ZNF609: variants seen among roughly 807,000 people sequenced by gnomAD.
ZNF609 encodes the protein zinc finger protein 609.
In ZNF609, 11 loss-of-function variants were observed where a neutral mutation model predicts 109.5. The ratio of observed to expected loss-of-function variants is 0.10; its 90% CI spans 0.06 to 0.17. The LOEUF is 0.17. Among genes scored for constraint, ZNF609 ranks in the 10% least tolerant of loss-of-function variants. ZNF609 has a pLI of 1.00. For synonymous variants in ZNF609, 646 were observed against 662.0 expected (o/e 0.98, Z 0.37); for missense variants, 1,559 against 1,772.4 (o/e 0.88, Z 2.16).
At chr15:64,556,505 A>T (rs1029866517) in intron 2 of ZNF609, among the ~76,000 whole-genome samples, 1 of 152,146 alleles carries the variant, frequency 6.6e-6, no homozygotes, top group African/African-American at 2.4e-5. Flanking sequence ...AACCCTCATG[A>T]CAATCAGATA....
intron 4 of ZNF609, 38 bp downstream of exon 4, chr15:64,670,471 A>T: frequency 1.3e-6 from 2 of 1,543,646 alleles, no homozygotes; most frequent in Non-Finnish European, 1.8e-6. Context: ...ATTATTCTGA[A>T]CCACACTAAT....
chr15:64,646,524 C>T (rs1896335865), intron 3 of ZNF609, among the ~76,000 whole-genome samples: 1 of 148,930 alleles, frequency 6.7e-6, no homozygotes, highest in Admixed American at 6.8e-5. Context: ...ACCCTAGCTA[C>T]ACGGGAGGCT....
intron 2 of ZNF609, among the ~76,000 whole-genome samples, chr15:64,558,885 T>G (rs2140401310): frequency 6.6e-6 from 1 of 152,146 alleles, no homozygotes; most frequent in South Asian, 2.1e-4. Context: ...CTAAAATATT[T>G]CCTTTTTTTT....
intron 2 of ZNF609, among the ~76,000 whole-genome samples, chr15:64,551,957 GC>G (rs1726416662): frequency 7.4e-6 from 1 of 135,482 alleles, no homozygotes; most frequent in Non-Finnish European, 1.7e-5. Flanking sequence ...CTGCACTCCA[GC>G]CTGGGTGACA....
chr15:64,640,776 T>C (rs1896241734), intron 3 of ZNF609, among the ~76,000 whole-genome samples: 1 of 152,228 alleles, frequency 6.6e-6, no homozygotes, highest in Non-Finnish European at 1.5e-5. Flanking sequence ...TCTCCAGCCA[T>C]GGCTGCAGGA....
chr15:64,475,463 A>T (rs1452421839), intron 1 of ZNF609, among the ~76,000 whole-genome samples: 1 of 136,256 alleles, frequency 7.3e-6, no homozygotes, highest in Non-Finnish European at 1.5e-5. Context: ...ATCTTGGCTC[A>T]CTGCAACCTC....
chr15:64,492,602 G>A (rs1893429606), intron 1 of ZNF609, among the ~76,000 whole-genome samples: 1 of 152,024 alleles, frequency 6.6e-6, no homozygotes, highest in Admixed American at 6.6e-5. Flanking sequence ...GGCTGGTCTA[G>A]AACTCCTGGG....
intron 2 of ZNF609, chr15:64,502,579 G>A (rs1161366317): frequency 6.6e-6 from 1 of 152,086 alleles, no homozygotes. Context: ...TGTGGTTTGG[G>A]ACGTTTCTAT....
intron 3 of ZNF609, chr15:64,654,467 AT>A (rs1045358158): frequency 1.3e-5 from 2 of 151,840 alleles, no homozygotes; most frequent in African/African-American, 4.8e-5. Context: ...TTTTATATAT[AT>A]TTTTTCTTTT....
At chr15:64,562,637 G>T (rs1894697935) in intron 2 of ZNF609, among the ~76,000 whole-genome samples, 3 of 151,890 alleles carry the variant, frequency 2.0e-5, no homozygotes, top group African/African-American at 7.3e-5. Flanking sequence ...AAGTTTAGTA[G>T]TGCTAGACAA....
chr15:64,500,230 C>A, intron 2 of ZNF609, 64 bp downstream of exon 2: 1 of 1,574,846 alleles, frequency 6.3e-7, no homozygotes, highest in Non-Finnish European at 8.6e-7. Context: ...GACTAACTGC[C>A]AAATACTATG....
chr15:64,551,747 G>A (rs772048302), intron 2 of ZNF609, among the ~76,000 whole-genome samples: 1 of 150,002 alleles, frequency 6.7e-6, no homozygotes, highest in Non-Finnish European at 1.5e-5. Context: ...CAATGGGGCA[G>A]TGAGAACTTA....
chr15:64,673,796 C>T, intron 4 of ZNF609, 120 bp from the exon 5 acceptor site: 1 of 1,171,672 alleles, frequency 8.5e-7, no homozygotes, highest in East Asian at 2.5e-5. Flanking sequence ...TTTCTTTTAA[C>T]AAATCATATT....
At chr15:64,498,412 A>G (rs1460276449) in intron 1 of ZNF609, among the ~76,000 whole-genome samples, 1 of 152,156 alleles carries the variant, frequency 6.6e-6, no homozygotes, top group East Asian at 1.9e-4. Flanking sequence ...TCTGTTTCCT[A>G]TGGTGTGAGG....
chr15:64,517,005 A>T (rs928018202), intron 2 of ZNF609, among the ~76,000 whole-genome samples: 1 of 152,112 alleles, frequency 6.6e-6, no homozygotes, highest in African/African-American at 2.4e-5. Context: ...TTACTTGATA[A>T]TGTTTGTCTG....
intron 2 of ZNF609, among the ~76,000 whole-genome samples, chr15:64,514,017 G>C (rs1185233766): frequency 6.6e-6 from 1 of 151,646 alleles, no homozygotes; most frequent in Non-Finnish European, 1.5e-5. Flanking sequence ...ACTTGAGCCC[G>C]GGAGGTCGAG....
chr15:64,489,488 G>GT (rs1347977993), intron 1 of ZNF609, among the ~76,000 whole-genome samples: 3 of 139,990 alleles, frequency 2.1e-5, no homozygotes, highest in Non-Finnish European at 3.1e-5. Context: ...CACAAGCCTA[G>GT]TTTTTTAGAT....
intron 1 of ZNF609, among the ~76,000 whole-genome samples, chr15:64,483,403 T>C (rs948262637): frequency 6.6e-6 from 1 of 151,992 alleles, no homozygotes; most frequent in African/African-American, 2.4e-5. Flanking sequence ...CTCTTTTTTT[T>C]TGAGGCAAGT....
At chr15:64,594,034 T>G (rs2140941109) in intron 2 of ZNF609, among the ~76,000 whole-genome samples, 1 of 152,298 alleles carries the variant, frequency 6.6e-6, no homozygotes, top group East Asian at 1.9e-4. Flanking sequence ...ACACACATAT[T>G]AAGGAAGAAG....
Sources: allele counts gnomAD v4.1 joint callset (sites outside exome capture counted in the v4.1 genomes callset), GRCh38; gene constraint gnomAD v4.1.1; transcripts MANE v1.5; gene names NCBI Gene and HGNC (gene_info 2026-07-23, HGNC 2026-07-21).